DCC: variants seen among roughly 807,000 people sequenced by gnomAD.
The protein encoded by DCC is netrin receptor DCC.
A neutral mutation model predicts 172.5 loss-of-function variants in DCC; 58 were observed. The observed-to-expected ratio is 0.34, with a 90% CI of 0.27 to 0.42. The LOEUF (loss-of-function observed/expected upper bound fraction) is 0.42. DCC is among the 10% of genes least tolerant of loss of function. The pLI is 1.00. For synonymous variants in DCC, 709 were observed against 644.5 expected (o/e 1.10, Z -1.52); for missense variants, 1,740 against 1,791.0 (o/e 0.97, Z 0.51).
At position 52,541,068 on chromosome 18, in the gene DCC, C is replaced by T. The variant is rs138365467; in HGVS notation, c.91+200190C>T. On this transcript the variant is annotated intron_variant, in intron 1 of 28. Coordinates refer to ENST00000442544, the MANE Select transcript of DCC (RefSeq NM_005215.4). ...GTCCCGTTTGATTCTCATAGCTATC[C>T]GGTAAGCTAAGTAAAACAGGTGACT... Among the ~76,000 whole-genome samples the T allele has an allele frequency of 6.1e-4, 93 of 152,188 alleles. 1 individual carries two copies. In the East Asian group the frequency reaches 0.015, roughly 25 times the overall value.
At chr18:53,090,643 G>A (rs970740999) in intron 7 of DCC, among the ~76,000 whole-genome samples, 47 of 125,446 alleles carry the variant, frequency 3.7e-4, no homozygotes, top group African/African-American at 1.4e-3. Context: ...GCAGTGAGCC[G>A]AGATCACACC....
intron 1 of DCC, among the ~76,000 whole-genome samples, chr18:52,646,751 G>A (rs905068795): frequency 6.6e-6 from 1 of 152,184 alleles, no homozygotes; most frequent in South Asian, 2.1e-4. Flanking sequence ...GAGAAGGGGT[G>A]CACCAGCCTC....
chr18:52,701,446 A>G (rs1026866113), intron 1 of DCC, among the ~76,000 whole-genome samples: 1 of 152,212 alleles, frequency 6.6e-6, no homozygotes, highest in African/African-American at 2.4e-5. Context: ...TCCTACCCAT[A>G]GACAGTATAA....
At chr18:53,315,359 T>A (rs892195948) in intron 13 of DCC, among the ~76,000 whole-genome samples, 3 of 152,216 alleles carry the variant, frequency 2.0e-5, no homozygotes, top group Non-Finnish European at 4.4e-5. Flanking sequence ...ATGCAGTCTA[T>A]CATTGATGGG....
intron 7 of DCC, among the ~76,000 whole-genome samples, chr18:53,155,549 C>G (rs1247418452): frequency 1.3e-5 from 2 of 152,204 alleles, no homozygotes; most frequent in Non-Finnish European, 2.9e-5. Context: ...AAAACCCTGT[C>G]TTACATATTA....
intron 1 of DCC, among the ~76,000 whole-genome samples, chr18:52,398,906 A>G (rs529681644): frequency 2.0e-5 from 3 of 152,106 alleles, no homozygotes; most frequent in South Asian, 2.1e-4. Context: ...ACAAATCACC[A>G]CTAAAGAACT....
chr18:52,409,668 GT>G (rs979514707), intron 1 of DCC, among the ~76,000 whole-genome samples: 10 of 152,218 alleles, frequency 6.6e-5, no homozygotes, highest in African/African-American at 1.9e-4. Context: ...CTATTTATCA[GT>G]TTTTTGACTA....
chr18:52,440,439 G>A (rs894703177), intron 1 of DCC, among the ~76,000 whole-genome samples: 1 of 152,120 alleles, frequency 6.6e-6, no homozygotes, highest in African/African-American at 2.4e-5. Flanking sequence ...TATTTCAGGT[G>A]TGTGAAAGGG....
At chr18:53,274,610 G>GT (rs1388532874) in intron 12 of DCC, among the ~76,000 whole-genome samples, 1 of 152,078 alleles carries the variant, frequency 6.6e-6, no homozygotes, top group Non-Finnish European at 1.5e-5. Flanking sequence ...AATTAGATTG[G>GT]TTTTTTAGAA....
At chr18:52,863,675 A>T (rs566525018) in intron 2 of DCC, among the ~76,000 whole-genome samples, 254 of 151,944 alleles carry the variant, frequency 1.7e-3, no homozygotes, top group Non-Finnish European at 3.0e-3. Flanking sequence ...ATTATAAAAC[A>T]TAACTTTTAT....
chr18:52,832,299 G>A (rs1048534123), intron 2 of DCC, among the ~76,000 whole-genome samples: 14 of 152,230 alleles, frequency 9.2e-5, no homozygotes, highest in Middle Eastern at 3.4e-3. Context: ...CAAAATGGGC[G>A]AAGCCTGGTG....
intron 26 of DCC, among the ~76,000 whole-genome samples, chr18:53,490,606 C>T (rs570534310): frequency 6.6e-6 from 1 of 152,282 alleles, no homozygotes; most frequent in South Asian, 2.1e-4. Flanking sequence ...CTCTGAATTG[C>T]AGAGCAGGGG....
At chr18:52,578,394 G>T (rs2033466213) in intron 1 of DCC, among the ~76,000 whole-genome samples, 1 of 152,182 alleles carries the variant, frequency 6.6e-6, no homozygotes, top group Non-Finnish European at 1.5e-5. Flanking sequence ...TACGCTGCAT[G>T]AGATAATTTC....
chr18:52,970,064 A>G (rs992405986), intron 5 of DCC, among the ~76,000 whole-genome samples: 11 of 152,090 alleles, frequency 7.2e-5, no homozygotes, highest in African/African-American at 2.7e-4. Flanking sequence ...ATTTTATGGG[A>G]TTTCTGTATG....
At chr18:53,193,993 A>T (rs8097377) in intron 9 of DCC, among the ~76,000 whole-genome samples, 27,545 of 152,108 alleles carry the variant, frequency 0.18, 3,600 homozygotes, top group African/African-American at 0.38. Context: ...CTCTATTAAA[A>T]CTACAAACAT....
intron 2 of DCC, among the ~76,000 whole-genome samples, chr18:52,778,878 C>T (rs2037481624): frequency 1.3e-5 from 2 of 152,110 alleles, no homozygotes; most frequent in African/African-American, 2.4e-5. Context: ...TTTTATTTTA[C>T]CTTATCAATA....
intron 1 of DCC, among the ~76,000 whole-genome samples, chr18:52,395,787 A>G (rs916350858): frequency 1.3e-5 from 2 of 152,004 alleles, no homozygotes; most frequent in African/African-American, 2.4e-5. Context: ...TCCTGAAGTC[A>G]AAGGCCCTTC....
At chr18:53,108,407 A>G (rs1052141006) in intron 7 of DCC, among the ~76,000 whole-genome samples, 2 of 151,830 alleles carry the variant, frequency 1.3e-5, no homozygotes, top group African/African-American at 2.4e-5. Flanking sequence ...GCTACTTAGT[A>G]CCAATAGATT....
chr18:53,509,165 G>A (rs980088375), intron 27 of DCC, among the ~76,000 whole-genome samples: 2 of 152,218 alleles, frequency 1.3e-5, no homozygotes, highest in Non-Finnish European at 2.9e-5. Flanking sequence ...CAATAGCAAA[G>A]CAAAGAGGGA....
Sources: gnomAD v4.1 joint callset for allele counts (sites outside exome capture counted in the v4.1 genomes callset) on GRCh38, gnomAD v4.1.1 for gene constraint, MANE v1.5 for transcripts, NCBI Gene and HGNC (gene_info 2026-07-23, HGNC 2026-07-21) for gene names.